The following MGMT variants were observed in gnomAD, a reference collection of about 807,000 sequenced individuals.
MGMT encodes the protein methylated-DNA--protein-cysteine methyltransferase.
A neutral mutation model predicts 15.9 loss-of-function variants in MGMT; 14 were observed. The observed-to-expected ratio is 0.88, with a 90% CI of 0.58 to 1.37. The LOEUF (loss-of-function observed/expected upper bound fraction) is 1.37, where lower values mean the gene tolerates loss of function less well. Among genes scored for constraint, MGMT ranks in the 40% most tolerant of loss-of-function variants. The pLI is 0.00. For missense variants in MGMT, 282 were observed against 268.1 expected, an observed-to-expected ratio of 1.05 and a Z score of -0.36; for synonymous variants, 130 against 118.2, an observed-to-expected ratio of 1.10 and a Z score of -0.65.
At chr10:129,550,748 A>C (rs1408121419) in intron 2 of MGMT, among the ~76,000 whole-genome samples, 1 of 152,078 alleles carries the variant, frequency 6.6e-6, no homozygotes, top group Admixed American at 6.5e-5. Flanking sequence ...GCCTGGCTTC[A>C]TCTCCAGAAC....
chr10:129,497,566 G>A (rs1040492924), intron 1 of MGMT, among the ~76,000 whole-genome samples: 1 of 152,194 alleles, frequency 6.6e-6, no homozygotes, highest in African/African-American at 2.4e-5. Flanking sequence ...GTTTCTGCCA[G>A]CACTAACACC....
chr10:129,616,127 G>T (rs1233089087), intron 2 of MGMT, among the ~76,000 whole-genome samples: 2 of 152,202 alleles, frequency 1.3e-5, no homozygotes, highest in Non-Finnish European at 2.9e-5. Flanking sequence ...CAGGGTGTGG[G>T]CACCACAGGG....
intron 1 of MGMT, among the ~76,000 whole-genome samples, chr10:129,496,178 T>G (rs1356668460): frequency 6.6e-6 from 1 of 152,192 alleles, no homozygotes; most frequent in Non-Finnish European, 1.5e-5. Context: ...AGCTGAAAAC[T>G]GTTTTATAAA....
chr10:129,609,493 G>A (rs1259302766), intron 2 of MGMT, among the ~76,000 whole-genome samples: 1 of 152,218 alleles, frequency 6.6e-6, no homozygotes, highest in Non-Finnish European at 1.5e-5. Flanking sequence ...GTTTGCTGGG[G>A]TAACCCTAGG....
chr10:129,684,877 G>A (rs1847888474), intron 2 of MGMT, among the ~76,000 whole-genome samples: 1 of 152,240 alleles, frequency 6.6e-6, no homozygotes, highest in Non-Finnish European at 1.5e-5. Context: ...TGCAGTTCAT[G>A]GCGAGAGACA....
intron 3 of MGMT, among the ~76,000 whole-genome samples, chr10:129,758,485 G>GT (rs1312201469): frequency 6.6e-6 from 1 of 152,060 alleles, no homozygotes; most frequent in Non-Finnish European, 1.5e-5. Flanking sequence ...CCACTCCCAG[G>GT]TAACAGTTCT....
At chr10:129,701,260 G>A (rs1453408536) in intron 2 of MGMT, 1 of 152,220 alleles carries the variant, frequency 6.6e-6, no homozygotes, top group East Asian at 1.9e-4. Context: ...TGACCCTCCA[G>A]GGTGGTCAGG....
At position 129,767,105 on chromosome 10, in the gene MGMT, C is replaced by A; in HGVS notation, c.*108C>A. On this transcript the variant is annotated 3_prime_UTR_variant, in exon 5 of 5. Transcript: ENST00000651593. ...AAAGGAAGTGGCAGTGTCCTGGGAACAAGCGTGTCTGCCCTTTCTGTTTCC... is the reference window on the plus strand; with the variant it reads ...AAAGGAAGTGGCAGTGTCCTGGGAAAAAGCGTGTCTGCCCTTTCTGTTTCC... 2.1e-6 allele frequency: 2 copies of A among 943,364 alleles called. No homozygotes were observed. Among genetic ancestry groups the A allele is most frequent in the East Asian group, 5.4e-5 (2 of 37,074 alleles). 58.4% of individuals were successfully genotyped at this position (943,364 alleles called of 1,614,324 possible).
chr10:129,612,043 C>T (rs895909655), intron 2 of MGMT, among the ~76,000 whole-genome samples: 1 of 152,138 alleles, frequency 6.6e-6, no homozygotes, highest in Non-Finnish European at 1.5e-5. Context: ...AGACATGAGA[C>T]ATCAATCAAA....
At chr10:129,600,636 A>T (rs1846809730) in intron 2 of MGMT, among the ~76,000 whole-genome samples, 1 of 152,202 alleles carries the variant, frequency 6.6e-6, no homozygotes, top group Non-Finnish European at 1.5e-5. Context: ...TTGTTTGAAA[A>T]TTAAATTAAT....
intron 3 of MGMT, among the ~76,000 whole-genome samples, chr10:129,738,246 T>C (rs1287422143): frequency 6.6e-6 from 1 of 152,152 alleles, no homozygotes; most frequent in Non-Finnish European, 1.5e-5. Context: ...GTGCGGGATA[T>C]AATCTCCTGG....
chr10:129,623,388 ATGGAGTT>A (rs1847111844), intron 2 of MGMT, among the ~76,000 whole-genome samples: 3 of 152,046 alleles, frequency 2.0e-5, no homozygotes, highest in Admixed American at 6.5e-5. Context: ...ATGCCAGCTG[ATGGAGTT>A]TGGAGTTGGG....
intron 2 of MGMT, among the ~76,000 whole-genome samples, chr10:129,651,746 G>T (rs986279260): frequency 2.7e-4 from 41 of 151,790 alleles, no homozygotes; most frequent in African/African-American, 8.7e-4. Flanking sequence ...TATTTGGTTT[G>T]ATTAAAGACA....
chr10:129,586,668 G>T (rs576234027), intron 2 of MGMT, among the ~76,000 whole-genome samples: 1 of 152,266 alleles, frequency 6.6e-6, no homozygotes, highest in African/African-American at 2.4e-5. Flanking sequence ...TCTGCTTTCG[G>T]CTGTTGCAGA....
chr10:129,499,484 A>G (rs1042440891), intron 1 of MGMT, among the ~76,000 whole-genome samples: 1 of 152,254 alleles, frequency 6.6e-6, no homozygotes, highest in Non-Finnish European at 1.5e-5. Context: ...TGTTATGTGA[A>G]GAATAACAAT....
chr10:129,542,694 T>C (rs1846056838), intron 2 of MGMT, among the ~76,000 whole-genome samples: 1 of 152,238 alleles, frequency 6.6e-6, no homozygotes, highest in Admixed American at 6.5e-5. Context: ...CAAATAAGCA[T>C]GTTTCTGTGA....
chr10:129,535,004 T>C (rs1363071893), intron 1 of MGMT, among the ~76,000 whole-genome samples: 2 of 152,182 alleles, frequency 1.3e-5, no homozygotes, highest in African/African-American at 2.4e-5. Flanking sequence ...ATGAACACAA[T>C]TGTGTCTCAA....
chr10:129,639,682 A>T (rs1847304489), intron 2 of MGMT, among the ~76,000 whole-genome samples: 1 of 152,214 alleles, frequency 6.6e-6, no homozygotes, highest in African/African-American at 2.4e-5. Flanking sequence ...GTTGCGGCTA[A>T]AAGTGTGCTT....
chr10:129,575,001 G>A (rs766056495), intron 2 of MGMT, among the ~76,000 whole-genome samples: 2 of 152,086 alleles, frequency 1.3e-5, no homozygotes, highest in African/African-American at 2.4e-5. Flanking sequence ...CTGCCTGGCC[G>A]CTGTGTGATC....
Sources: gnomAD v4.1 joint callset for allele counts (sites outside exome capture counted in the v4.1 genomes callset) on GRCh38, gnomAD v4.1.1 for gene constraint, MANE v1.5 for transcripts, NCBI Gene and HGNC (gene_info 2026-07-23, HGNC 2026-07-21) for gene names.